The following TULP4 variants were observed in gnomAD, a reference collection of about 807,000 sequenced individuals.
TULP4 encodes tubby-related protein 4.
In TULP4, 16 loss-of-function variants were observed where a neutral mutation model predicts 129.0. The observed-to-expected ratio is 0.12, with a 90% confidence interval of 0.08 to 0.19. The LOEUF is 0.19. Among genes scored for constraint, TULP4 ranks in the 10% least tolerant of loss-of-function variants. The pLI is 1.00. For missense variants in TULP4, 1,842 were observed against 2,059.1 expected (o/e 0.89, Z 2.04); for synonymous variants, 998 against 854.0 (o/e 1.17, Z -2.94).
intron 1 of TULP4, chr6:158,241,792 A>G: frequency 4.1e-6 from 2 of 486,992 alleles, no homozygotes; most frequent in Non-Finnish European, 3.9e-6. Flanking sequence ...ACGGGGTTTT[A>G]CCGTATTGGC....
intron 1 of TULP4, among the ~76,000 whole-genome samples, chr6:158,368,405 C>T (rs1020298124): frequency 6.6e-6 from 1 of 152,152 alleles, no homozygotes; most frequent in African/African-American, 2.4e-5. Context: ...AAGGTTCCAG[C>T]GATTCTCATG....
intron 3 of TULP4, among the ~76,000 whole-genome samples, chr6:158,441,552 G>A (rs1446026394): frequency 6.6e-6 from 1 of 152,122 alleles, no homozygotes; most frequent in East Asian, 1.9e-4. Context: ...GTTCCACATG[G>A]CACTGCTGCT....
chr6:158,428,619 T>A (rs1206016619), intron 2 of TULP4, among the ~76,000 whole-genome samples: 1 of 83,496 alleles, frequency 1.2e-5, no homozygotes, highest in African/African-American at 3.3e-5. Context: ...TTCAGTTAGA[T>A]TTTTTTTTTT....
chr6:158,325,207 A>C (rs898592173), intron 1 of TULP4, among the ~76,000 whole-genome samples: 5 of 152,170 alleles, frequency 3.3e-5, no homozygotes, highest in African/African-American at 7.2e-5. Context: ...AGTTGACAGC[A>C]CTGGCTATGC....
At chr6:158,268,028 CTTTTTTCTTTTTTTT>C (rs1778481230) in intron 1 of TULP4, among the ~76,000 whole-genome samples, 2 of 113,806 alleles carry the variant, frequency 1.8e-5, no homozygotes, top group African/African-American at 5.9e-5. Flanking sequence ...TTTTCTTTTT[CTTTTTTCTTTTTTTT>C]TTTTTTTTTG....
At chr6:158,333,050 T>C (rs147771256) in intron 1 of TULP4, among the ~76,000 whole-genome samples, 3 of 152,322 alleles carry the variant, frequency 2.0e-5, no homozygotes, top group East Asian at 3.9e-4. Context: ...CATTTCGTTT[T>C]TGTAATCCCT....
intron 3 of TULP4, among the ~76,000 whole-genome samples, chr6:158,444,246 ATTTT>A (rs1554291963): frequency 1.2e-5 from 1 of 86,706 alleles, no homozygotes; most frequent in Non-Finnish European, 2.5e-5. Flanking sequence ...AAAAAAAAAA[ATTTT>A]TTTTTTTTTT....
upstream of TULP4, among the ~76,000 whole-genome samples, chr6:158,278,940 T>C (rs796624404): frequency 4.6e-3 from 453 of 97,548 alleles, 2 homozygotes; most frequent in African/African-American, 0.018. Context: ...TGTTTTTTTT[T>C]GTTTTTTTTT....
intron 6 of TULP4, among the ~76,000 whole-genome samples, chr6:158,469,526 C>T (rs568560467): frequency 2.2e-4 from 33 of 152,092 alleles, no homozygotes; most frequent in African/African-American, 7.2e-4. Flanking sequence ...CTGTCTGCCT[C>T]GGCCTTCCAA....
At chr6:158,396,291 C>G (rs1056181952) in intron 1 of TULP4, among the ~76,000 whole-genome samples, 3 of 152,158 alleles carry the variant, frequency 2.0e-5, no homozygotes, top group African/African-American at 4.8e-5. Context: ...TTGTCCTGCT[C>G]TCTTTGTCAG....
rs1238411609 is a variant in TULP4 at position 158,241,338 on chromosome 6, G to A, written n.68+9035G>A. Among the ~76,000 whole-genome samples, 13 of 129,986 alleles carry A rather than the reference G, an allele frequency of 1.0e-4. 3 individuals are homozygous for A. The highest frequency in any genetic ancestry group is 1.9e-4 in the Non-Finnish European group (11 of 57,096). The allele number at this position is 129,986 out of a possible 152,430, so 85.3% of individuals were successfully genotyped here. On this transcript the variant is annotated intron_variant and non_coding_transcript_variant, in intron 1 of 1. Coordinates refer to the TULP4 transcript ENST00000620026. Reference sequence around the variant, plus strand: ...GGCAGACACTCCTCACTTCCCAGACGGGGTGGCGGCCGGGCAGAGGCTGCA... The same window carrying A: ...GGCAGACACTCCTCACTTCCCAGACAGGGTGGCGGCCGGGCAGAGGCTGCA...
At chr6:158,247,619 A>G (rs1450620632) in intron 1 of TULP4, among the ~76,000 whole-genome samples, 1 of 152,236 alleles carries the variant, frequency 6.6e-6, no homozygotes, top group African/African-American at 2.4e-5. Flanking sequence ...GTGTGTGTGA[A>G]TGTTTTTCAG....
chr6:158,242,938 A>G (rs1335052453), intron 1 of TULP4: 2 of 174,020 alleles, frequency 1.1e-5, no homozygotes, highest in Non-Finnish European at 2.4e-5. Flanking sequence ...GGTGCCCACC[A>G]CAACACCCGG....
At chr6:158,422,409 TA>T (rs1562559530) in intron 2 of TULP4, among the ~76,000 whole-genome samples, 1 of 152,204 alleles carries the variant, frequency 6.6e-6, no homozygotes, top group South Asian at 2.1e-4. Context: ...CTGTATTTTT[TA>T]AAAAGAAAAC....
At chr6:158,458,785 AT>A (rs1440792295) in intron 5 of TULP4, among the ~76,000 whole-genome samples, 1 of 152,156 alleles carries the variant, frequency 6.6e-6, no homozygotes, top group Non-Finnish European at 1.5e-5. Context: ...ATTTCTGAAA[AT>A]TTTAAACTCT....
intron 1 of TULP4, among the ~76,000 whole-genome samples, chr6:158,338,243 A>G (rs1257980449): frequency 6.6e-6 from 1 of 152,154 alleles, no homozygotes; most frequent in East Asian, 1.9e-4. Context: ...GCCTCAAGTA[A>G]TCCTCTTCCA....
intron 1 of TULP4, among the ~76,000 whole-genome samples, chr6:158,288,928 C>G (rs145294233): frequency 2.0e-3 from 297 of 152,280 alleles, no homozygotes; most frequent in African/African-American, 6.9e-3. Flanking sequence ...AACAGATTTT[C>G]TAATAACCTC....
intron 6 of TULP4, among the ~76,000 whole-genome samples, chr6:158,469,666 G>T (rs573354334): frequency 6.6e-6 from 1 of 152,124 alleles, no homozygotes; most frequent in Non-Finnish European, 1.5e-5. Context: ...CAAGAGATTG[G>T]GGTGGAGATA....
chr6:158,238,073 A>G lies in TULP4; in HGVS notation n.68+5770A>G, dbSNP rs1018527973. The G allele has an allele frequency of 3.8e-5, 27 of 706,036 alleles. 1 individual carries two copies. Among genetic ancestry groups the G allele is most frequent in the Non-Finnish European group, 6.6e-5 (25 of 377,576 alleles). 43.7% of individuals were successfully genotyped at this position (706,036 alleles called of 1,614,324 possible). ...GTGAAGACATCAGTGGTACTATTAA[A>G]TCTTCTTCATGGCTACACATGGTCA... is the stretch of plus-strand genomic sequence containing the variant. On this transcript the variant is annotated intron_variant and non_coding_transcript_variant, in intron 1 of 1. Transcript: ENST00000620026.
Sources: gnomAD v4.1 joint callset for allele counts (sites outside exome capture counted in the v4.1 genomes callset) on GRCh38, gnomAD v4.1.1 for gene constraint, MANE v1.5 for transcripts, NCBI Gene and HGNC (gene_info 2026-07-23, HGNC 2026-07-21) for gene names.